The following PTPRD variants were observed in gnomAD, a reference collection of about 807,000 sequenced individuals.
PTPRD encodes the protein protein tyrosine phosphatase receptor type D.
PTPRD carries 34 observed loss-of-function variants against 214.5 expected under a neutral mutation model. The ratio of observed to expected loss-of-function variants is 0.16; its 90% CI spans 0.12 to 0.21. The LOEUF (loss-of-function observed/expected upper bound fraction) is 0.21. Among genes scored for constraint, PTPRD ranks in the 10% least tolerant of loss-of-function variants. PTPRD has a pLI of 1.00. For synonymous variants in PTPRD, 1,128 were observed against 845.7 expected (o/e 1.33, Z -5.79); for missense variants, 2,545 against 2,398.7 (o/e 1.06, Z -1.27).
chr9:9,020,074 G>T (rs2154369128), intron 10 of PTPRD, among the ~76,000 whole-genome samples: 1 of 152,116 alleles, frequency 6.6e-6, no homozygotes, highest in South Asian at 2.1e-4. Context: ...GTATTAAAAG[G>T]GCCATAAATA....
intron 5 of PTPRD, among the ~76,000 whole-genome samples, chr9:9,769,206 G>C (rs1314832374): frequency 1.3e-5 from 2 of 151,518 alleles, no homozygotes; most frequent in African/African-American, 4.8e-5. Flanking sequence ...TTACAGGGTG[G>C]ACGATATATT....
chr9:10,313,021 C>T (rs2096311141), intron 3 of PTPRD, among the ~76,000 whole-genome samples: 1 of 151,898 alleles, frequency 6.6e-6, no homozygotes, highest in Admixed American at 6.6e-5. Flanking sequence ...CCAGACACAA[C>T]CTTGATTATC....
intron 3 of PTPRD, among the ~76,000 whole-genome samples, chr9:10,246,024 G>A (rs2092025103): frequency 6.6e-6 from 1 of 152,054 alleles, no homozygotes. Flanking sequence ...TTCCTATTTT[G>A]TATTTCCTTT....
Position 8,884,498 on chromosome 9 carries a change from T to C in PTPRD, c.-104+134199A>G, listed in dbSNP as rs373413777. Reference sequence around the variant, plus strand: ...TTGAGTTTGGAGCTGGACTAAGTGATGAGACTAGACATGGCTGGTGGAGGC... The same window carrying C: ...TTGAGTTTGGAGCTGGACTAAGTGACGAGACTAGACATGGCTGGTGGAGGC... On this transcript the variant is annotated intron_variant, in intron 11 of 45. Coordinates refer to ENST00000381196, the MANE Select transcript of PTPRD (RefSeq NM_002839.4). 1.2e-4 allele frequency among the ~76,000 whole-genome samples: 19 copies of C among 152,280 alleles called. No individual in the cohort carries two copies. The East Asian group carries it at 3.1e-3, about 25-fold the overall frequency.
At chr9:8,921,883 G>A (rs2154270478) in intron 11 of PTPRD, among the ~76,000 whole-genome samples, 1 of 152,220 alleles carries the variant, frequency 6.6e-6, no homozygotes, top group South Asian at 2.1e-4. Flanking sequence ...TAAATAAACA[G>A]TCCAAAGTGC....
Position 10,039,699 on chromosome 9 carries a change from A to C in PTPRD, c.-544-5909T>G, listed in dbSNP as rs567936187. Among the ~76,000 whole-genome samples, 70 of 148,674 alleles carry C rather than the reference A, an allele frequency of 4.7e-4. 1 individual carries two copies. In the South Asian group the frequency reaches 0.014, roughly 31 times the overall value. ...GGGGAAAAAAAAACAAAGGGGTATGATTGTACTACATGAATTCTAAGACTT... is the reference window on the plus strand; with the variant it reads ...GGGGAAAAAAAAACAAAGGGGTATGCTTGTACTACATGAATTCTAAGACTT... On this transcript the variant is annotated intron_variant, in intron 3 of 45. Coordinates refer to ENST00000381196, the MANE Select transcript of PTPRD (RefSeq NM_002839.4).
intron 7 of PTPRD, among the ~76,000 whole-genome samples, chr9:9,603,661 A>C (rs2093943452): frequency 6.6e-6 from 1 of 152,124 alleles, no homozygotes; most frequent in East Asian, 1.9e-4. Context: ...GGAGCTCCTT[A>C]TGAGAATCTA....
chr9:10,117,875 T>C (rs2098743646), intron 3 of PTPRD, among the ~76,000 whole-genome samples: 1 of 152,074 alleles, frequency 6.6e-6, no homozygotes, highest in Admixed American at 6.6e-5. Flanking sequence ...AATGCTTTCA[T>C]GGAATTACAT....
At chr9:9,326,452 G>C (rs2039935092) in intron 9 of PTPRD, among the ~76,000 whole-genome samples, 1 of 152,016 alleles carries the variant, frequency 6.6e-6, no homozygotes, top group Non-Finnish European at 1.5e-5. Context: ...TTATCAATTA[G>C]AAAACAGAGA....
At chr9:10,513,613 A>T (rs1279934580) in intron 2 of PTPRD, among the ~76,000 whole-genome samples, 1 of 152,118 alleles carries the variant, frequency 6.6e-6, no homozygotes, top group Admixed American at 6.6e-5. Flanking sequence ...TCTCCTTTGA[A>T]GTTGGGCATG....
chr9:9,789,424 T>C (rs182891695), intron 5 of PTPRD, among the ~76,000 whole-genome samples: 2 of 152,294 alleles, frequency 1.3e-5, no homozygotes, highest in East Asian at 3.9e-4. Context: ...AAATATTTTA[T>C]TCTGCACTAT....
chr9:10,326,507 TTTG>T (rs967925994), intron 3 of PTPRD, among the ~76,000 whole-genome samples: 54 of 151,760 alleles, frequency 3.6e-4, no homozygotes, highest in African/African-American at 9.9e-4. Context: ...TATTTATTTG[TTTG>T]TTGTTGTTGT....
At chr9:10,113,392 A>G (rs2098706801) in intron 3 of PTPRD, among the ~76,000 whole-genome samples, 1 of 152,328 alleles carries the variant, frequency 6.6e-6, no homozygotes, top group African/African-American at 2.4e-5. Context: ...TCATTCCCAC[A>G]CCGTGCTTCC....
chr9:10,485,484 A>G (rs1346174908), intron 2 of PTPRD, among the ~76,000 whole-genome samples: 2 of 152,044 alleles, frequency 1.3e-5, no homozygotes, highest in African/African-American at 4.8e-5. Context: ...GATTCTTTCA[A>G]TCCATGAACA....
At chr9:8,402,205 A>C (rs964735495) in intron 36 of PTPRD, among the ~76,000 whole-genome samples, 19 of 152,304 alleles carry the variant, frequency 1.2e-4, no homozygotes, top group Admixed American at 1.2e-3. Flanking sequence ...AACACTTAAC[A>C]TGTTAGGTCA....
At chr9:10,123,782 C>CAAAA (rs1340497422) in intron 3 of PTPRD, among the ~76,000 whole-genome samples, 3 of 152,114 alleles carry the variant, frequency 2.0e-5, no homozygotes, top group Non-Finnish European at 4.4e-5. Context: ...TGCATTATTG[C>CAAAA]CAGTACTGTG....
chr9:10,329,557 T>G (rs1005884812), intron 3 of PTPRD, among the ~76,000 whole-genome samples: 4 of 151,868 alleles, frequency 2.6e-5, no homozygotes, highest in African/African-American at 9.7e-5. Context: ...TCTTGGCTTT[T>G]GATTAGAAAC....
Position 10,482,254 on chromosome 9 carries a change from C to T in PTPRD, c.-600+130144G>A, listed in dbSNP as rs1053538535. Reference sequence around the variant, plus strand: ...GGCGTGGTGGCGGGTGCCTGTAGTCCCAGCTACTGAGGAGGCTGAGGCAGG... The same window carrying T: ...GGCGTGGTGGCGGGTGCCTGTAGTCTCAGCTACTGAGGAGGCTGAGGCAGG... On this transcript the variant is annotated intron_variant, in intron 2 of 45. Transcript: ENST00000381196. Among the ~76,000 whole-genome samples the T allele has an allele frequency of 3.3e-5, 5 of 151,948 alleles. No individual in the cohort carries two copies. In the East Asian group the frequency reaches 5.8e-4, roughly 18 times the overall value.
chr9:8,515,917 T>C (rs911055148), intron 21 of PTPRD, among the ~76,000 whole-genome samples: 1 of 152,100 alleles, frequency 6.6e-6, no homozygotes, highest in Non-Finnish European at 1.5e-5. Flanking sequence ...TATTATAGAC[T>C]AGAAAACTGA....
Sources: allele counts gnomAD v4.1 joint callset (sites outside exome capture counted in the v4.1 genomes callset), GRCh38; gene constraint gnomAD v4.1.1; transcripts MANE v1.5; gene names NCBI Gene and HGNC (gene_info 2026-07-23, HGNC 2026-07-21).